Variants in PSMD1 observed in about 807,000 individuals in gnomAD.
PSMD1 encodes proteasome 26S subunit, non-ATPase 1, also known as 26S proteasome non-ATPase regulatory subunit 1.
In PSMD1, 18 loss-of-function variants were observed where a neutral mutation model predicts 119.0. That is an observed-to-expected ratio of 0.15 (90% confidence interval 0.10 to 0.22). The LOEUF (loss-of-function observed/expected upper bound fraction) is 0.22, where lower values mean the gene tolerates loss of function less well. PSMD1 is among the 10% of genes least tolerant of loss of function. The probability of loss-of-function intolerance (pLI) is 1.00; values close to 1 mark genes in which losing one functional copy is unlikely to be tolerated. For missense variants in PSMD1, 702 were observed against 1,158.5 expected, an observed-to-expected ratio of 0.61 and a Z score of 5.72; for synonymous variants, 374 against 396.6, an observed-to-expected ratio of 0.94 and a Z score of 0.68.
At chr2:231,132,631 G>A (rs1230514435) in intron 16 of PSMD1, among the ~76,000 whole-genome samples, 1 of 152,166 alleles carries the variant, frequency 6.6e-6, no homozygotes, top group African/African-American at 2.4e-5. Flanking sequence ...TACATAAGGA[G>A]GAGCAGGTAT....
chr2:231,157,818 C>T (rs981897399), intron 19 of PSMD1, among the ~76,000 whole-genome samples: 47 of 151,976 alleles, frequency 3.1e-4, no homozygotes, highest in African/African-American at 1.0e-3. Flanking sequence ...CCACCCACCT[C>T]GGCCTCCCAA....
chr2:231,104,889 G>A (rs1694943570), intron 16 of PSMD1, among the ~76,000 whole-genome samples: 1 of 152,052 alleles, frequency 6.6e-6, no homozygotes, highest in Admixed American at 6.6e-5. Context: ...TACTGTCGTA[G>A]CATGCTCTCC....
intron 17 of PSMD1, among the ~76,000 whole-genome samples, chr2:231,145,660 G>A (rs533917825): frequency 2.0e-5 from 3 of 152,232 alleles, no homozygotes; most frequent in East Asian, 3.9e-4. Context: ...TTGGGAGGCT[G>A]AGGTGGGTGG....
Position 231,066,955 on chromosome 2 carries a change from G to T in PSMD1, c.354G>T (p.Leu118Phe). Residue 118 changes from leucine (L) to phenylalanine (F), a missense_variant, in exon 5 of 25, where the codon TTG (leucine) becomes TTT (phenylalanine). Leu to Phe is a conservative substitution (Grantham distance 22). Around this residue, in one of 9 missense-constraint regions of PSMD1, gnomAD observed 50 missense variants for 41.8 expected, o/e 1.20. Coordinates refer to ENST00000308696, the MANE Select transcript of PSMD1 (RefSeq NM_002807.4). ...YTKQCVENAD[L>F]PEGEKKPIDQ... The stretch of plus-strand genomic sequence containing the variant: ...AACAATGTGTGGAAAATGCAGATTT[G>T]CCTGAAGGAGAAAAAAAACCAATTG... 6.2e-7 allele frequency: 1 copy of T among 1,612,918 alleles called. No individual in the cohort carries two copies. Among genetic ancestry groups the T allele is most frequent in the Non-Finnish European group, 8.5e-7 (1 of 1,179,542 alleles).
intron 16 of PSMD1, among the ~76,000 whole-genome samples, chr2:231,128,089 T>G: frequency 6.6e-6 from 1 of 152,230 alleles, no homozygotes; most frequent in East Asian, 1.9e-4. Context: ...AGCTTAAATA[T>G]CAGCCAAGAA....
chr2:231,162,066 C>T (rs1696653166), intron 20 of PSMD1, among the ~76,000 whole-genome samples: 1 of 152,192 alleles, frequency 6.6e-6, no homozygotes, highest in Non-Finnish European at 1.5e-5. Flanking sequence ...GGAAACAAGA[C>T]CAACTGTGAG....
intron 1 of PSMD1, 149 bp downstream of exon 1, chr2:231,057,190 G>T (rs1179704852): frequency 5.0e-6 from 5 of 1,005,276 alleles, no homozygotes; most frequent in African/African-American, 1.7e-5. Flanking sequence ...GGGCCGGGGG[G>T]CTGGGAGTCT....
intron 18 of PSMD1, 119 bp downstream of exon 18, chr2:231,146,475 G>A (rs1284288078): frequency 7.0e-6 from 5 of 710,158 alleles, no homozygotes; most frequent in African/African-American, 3.6e-5. Flanking sequence ...TAAAGTAAAA[G>A]TAAAGAGAGC....
chr2:231,071,166 T>TA (rs2125160977), intron 6 of PSMD1, among the ~76,000 whole-genome samples: 1 of 152,182 alleles, frequency 6.6e-6, no homozygotes, highest in East Asian at 1.9e-4. Context: ...TAGTTTTTTT[T>TA]AAAACTGACA....
At chr2:231,166,845 G>T (rs1696797638) in intron 23 of PSMD1, among the ~76,000 whole-genome samples, 1 of 152,100 alleles carries the variant, frequency 6.6e-6, no homozygotes, top group South Asian at 2.1e-4. Flanking sequence ...TGTGAGTCGG[G>T]GTCTTAACCT....
intron 16 of PSMD1, among the ~76,000 whole-genome samples, chr2:231,091,103 G>A (rs1027639795): frequency 7.2e-5 from 11 of 152,194 alleles, no homozygotes; most frequent in East Asian, 1.9e-4. Flanking sequence ...CACTAGGGCC[G>A]AAGAGAGTTA....
chr2:231,077,699 A>G (rs1219694602), intron 9 of PSMD1, among the ~76,000 whole-genome samples: 1 of 152,162 alleles, frequency 6.6e-6, no homozygotes, highest in Non-Finnish European at 1.5e-5. Context: ...TTAGCAAGTA[A>G]TATATTTGAT....
Position 231,073,985 on chromosome 2 carries a change from TA to T in PSMD1, c.882-1524del, listed in dbSNP as rs1454622562. On this transcript the variant is annotated intron_variant, in intron 7 of 24. Coordinates refer to ENST00000308696, the MANE Select transcript of PSMD1 (RefSeq NM_002807.4). ...AGAGAGCATTTTACTCCTTCTTTTG[TA>T]ATCTTTATACCTTTTCCCTCTCTTT... Among the ~76,000 whole-genome samples, 4 of 152,316 alleles carry T rather than the reference TA, an allele frequency of 2.6e-5. No homozygotes were observed. In the East Asian group the frequency reaches 7.7e-4, roughly 29 times the overall value.
intron 16 of PSMD1, chr2:231,123,684 GA>G: frequency 6.2e-7 from 1 of 1,614,038 alleles, no homozygotes; most frequent in Non-Finnish European, 8.5e-7. Flanking sequence ...AGTTAGAAGA[GA>G]TAACGTGAAC....
intron 16 of PSMD1, among the ~76,000 whole-genome samples, chr2:231,119,410 G>T (rs1309854468): frequency 2.6e-5 from 4 of 152,138 alleles, no homozygotes; most frequent in African/African-American, 4.8e-5. Context: ...AATAATAAGT[G>T]ATTGAACTCT....
chr2:231,140,758 A>G (rs891099925), intron 17 of PSMD1, among the ~76,000 whole-genome samples: 1 of 151,600 alleles, frequency 6.6e-6, no homozygotes, highest in African/African-American at 2.4e-5. Flanking sequence ...TGCACCTGTA[A>G]TGCCAGCTAC....
chr2:231,138,558 G>C (rs1422408264), intron 16 of PSMD1, among the ~76,000 whole-genome samples, 178 bp from the exon 17 acceptor site: 1 of 152,128 alleles, frequency 6.6e-6, no homozygotes, highest in Admixed American at 6.5e-5. Flanking sequence ...GAATATTGAA[G>C]ATCAGATTTC....
chr2:231,144,605 G>A (rs1343087959), intron 17 of PSMD1, among the ~76,000 whole-genome samples: 2 of 151,206 alleles, frequency 1.3e-5, no homozygotes, highest in Non-Finnish European at 2.9e-5. Context: ...GTAGAGAAGG[G>A]GTTTTACCAT....
intron 8 of PSMD1, among the ~76,000 whole-genome samples, 185 bp downstream of exon 8, chr2:231,075,756 G>A (rs150914865): frequency 6.6e-6 from 1 of 152,140 alleles, no homozygotes; most frequent in Non-Finnish European, 1.5e-5. Flanking sequence ...GCTAAGTTTT[G>A]TATTTTTTGT....
Sources: gnomAD v4.1 joint callset for allele counts (sites outside exome capture counted in the v4.1 genomes callset) on GRCh38, gnomAD v4.1.1 for gene constraint, gnomAD v4.1.1 regional missense constraint, MANE v1.5 for transcripts, NCBI Gene and HGNC (gene_info 2026-07-23, HGNC 2026-07-21) for gene names.